Variants in VKORC1L1 observed in about 807,000 individuals in gnomAD.
The protein encoded by VKORC1L1 is vitamin K epoxide reductase complex subunit 1L1.
A neutral mutation model predicts 18.9 loss-of-function variants in VKORC1L1; 2 were observed. The ratio of observed to expected loss-of-function variants is 0.11; its 90% CI spans 0.04 to 0.33. The LOEUF (loss-of-function observed/expected upper bound fraction) is 0.33, where lower values mean the gene tolerates loss of function less well. VKORC1L1 is among the 10% of genes least tolerant of loss of function. The pLI, the probability that VKORC1L1 is intolerant of heterozygous loss-of-function variation, is 1.00. For synonymous variants in VKORC1L1, 96 were observed against 100.0 expected (o/e 0.96, Z 0.24); for missense variants, 123 against 224.1 (o/e 0.55, Z 2.88).
intron 1 of VKORC1L1, among the ~76,000 whole-genome samples, chr7:65,946,423 A>C (rs1224937382): frequency 6.6e-6 from 1 of 151,990 alleles, no homozygotes; most frequent in Non-Finnish European, 1.5e-5. Flanking sequence ...TGGGCTTCAG[A>C]CCAGAAGCGT....
At chr7:65,893,605 G>A (rs888552928) in intron 1 of VKORC1L1, among the ~76,000 whole-genome samples, 1 of 151,942 alleles carries the variant, frequency 6.6e-6, no homozygotes, top group Non-Finnish European at 1.5e-5. Context: ...AATATAATAG[G>A]TATGTGCCAC....
chr7:65,899,567 G>A (rs560941292), intron 1 of VKORC1L1, among the ~76,000 whole-genome samples: 4 of 152,256 alleles, frequency 2.6e-5, no homozygotes, highest in Non-Finnish European at 5.9e-5. Context: ...GCTTATGGGA[G>A]GACTGAGTAT....
intron 1 of VKORC1L1, among the ~76,000 whole-genome samples, chr7:65,945,338 G>A (rs1004391551): frequency 3.2e-4 from 48 of 152,020 alleles, no homozygotes; most frequent in African/African-American, 1.1e-3. Context: ...AGGGCCGGGC[G>A]CAGTGGCTCA....
intron 1 of VKORC1L1, among the ~76,000 whole-genome samples, chr7:65,936,436 C>T (rs920122251): frequency 6.6e-6 from 1 of 152,092 alleles, no homozygotes; most frequent in African/African-American, 2.4e-5. Context: ...AATGATTTTG[C>T]TTTGTTTTAA....
chr7:65,947,063 C>G (rs117332224), intron 1 of VKORC1L1, among the ~76,000 whole-genome samples: 1,740 of 152,020 alleles, frequency 0.011, 44 homozygotes, highest in East Asian at 0.087. Flanking sequence ...ACTTGAACCT[C>G]GGAGGTCAAG....
Position 65,909,690 on chromosome 7 carries a change from T to TTGTGTGTGTGTGTG in VKORC1L1, c.194+36160_194+36173dup, listed in dbSNP as rs56074368. ...AAGCTTCTAACTTTTGTTTTAGCCT[T>TTGTGTGTGTGTGTG]TGTGTGTGTGTGTGTGTGTGTGTGT... On this transcript the variant is annotated intron_variant, in intron 1 of 2. Coordinates refer to ENST00000360768, the MANE Select transcript of VKORC1L1 (RefSeq NM_173517.6). Among the ~76,000 whole-genome samples the TTGTGTGTGTGTGTG allele has an allele frequency of 1.8e-3, 223 of 123,836 alleles. 4 individuals carry two copies. Among genetic ancestry groups the TTGTGTGTGTGTGTG allele is most frequent in the African/African-American group, 2.6e-3 (83 of 31,742 alleles). 81.2% of individuals were successfully genotyped at this position (123,836 alleles called of 152,430 possible).
intron 1 of VKORC1L1, among the ~76,000 whole-genome samples, chr7:65,946,820 A>C (rs1362655294): frequency 2.0e-5 from 3 of 152,074 alleles, no homozygotes; most frequent in African/African-American, 7.2e-5. Context: ...ATATAATGGA[A>C]ATTATTTTAT....
At position 65,917,690 on chromosome 7, in the gene VKORC1L1, A is replaced by G. The variant is rs184864937; in HGVS notation, c.195-30981A>G. Among the ~76,000 whole-genome samples the G allele has an allele frequency of 2.2e-4, 34 of 152,328 alleles. No homozygotes were observed. The East Asian group carries it at 3.3e-3, about 15-fold the overall frequency. On this transcript the variant is annotated intron_variant, in intron 1 of 2. Coordinates refer to ENST00000360768, the MANE Select transcript of VKORC1L1 (RefSeq NM_173517.6). ...ACTTGTACTTGCATTTTTATTTGCT[A>G]TACAATTATCTACCCCTGTATCCAT... is the stretch of plus-strand genomic sequence containing the variant.
upstream of VKORC1L1, among the ~76,000 whole-genome samples, chr7:65,873,043 C>G (rs1378992060): frequency 1.4e-5 from 2 of 145,938 alleles, no homozygotes. Flanking sequence ...TCGCGCGCGA[C>G]CGGCCGCGCG....
chr7:65,951,583 A>AATATAT (rs1554302351), intron 2 of VKORC1L1, among the ~76,000 whole-genome samples: 1 of 150,380 alleles, frequency 6.6e-6, no homozygotes, highest in Non-Finnish European at 1.5e-5. Flanking sequence ...GGAAAAAAAA[A>AATATAT]ATATATATAT....
At chr7:65,879,650 C>CT (rs34885505) in intron 1 of VKORC1L1, among the ~76,000 whole-genome samples, 97,055 of 151,462 alleles carry the variant, frequency 0.64, 31,660 homozygotes, top group East Asian at 0.78. Context: ...ACTACTCTTT[C>CT]GTCTTCCTTT....
At chr7:65,932,881 C>T (rs1789881430) in intron 1 of VKORC1L1, among the ~76,000 whole-genome samples, 1 of 152,002 alleles carries the variant, frequency 6.6e-6, no homozygotes, top group Non-Finnish European at 1.5e-5. Context: ...AGTTCAAGAC[C>T]AGCCTGGCCA....
At chr7:65,926,414 A>G (rs950684515) in intron 1 of VKORC1L1, among the ~76,000 whole-genome samples, 4 of 152,136 alleles carry the variant, frequency 2.6e-5, no homozygotes, top group Non-Finnish European at 5.9e-5. Flanking sequence ...TCAGCCTCCC[A>G]AAGTGCTGGG....
At chr7:65,885,571 A>G (rs1402623207) in intron 1 of VKORC1L1, among the ~76,000 whole-genome samples, 1 of 151,760 alleles carries the variant, frequency 6.6e-6, no homozygotes, top group Non-Finnish European at 1.5e-5. Context: ...TTTAGTTTGT[A>G]TGGAATTTCC....
At chr7:65,921,064 G>A (rs189916998) in intron 1 of VKORC1L1, among the ~76,000 whole-genome samples, 2 of 140,652 alleles carry the variant, frequency 1.4e-5, no homozygotes, top group Admixed American at 7.2e-5. Flanking sequence ...TTTTACTTTG[G>A]GGGGGGTTTA....
At chr7:65,916,027 C>G (rs1358853101) in intron 1 of VKORC1L1, among the ~76,000 whole-genome samples, 1 of 151,210 alleles carries the variant, frequency 6.6e-6, no homozygotes, top group African/African-American at 2.4e-5. Flanking sequence ...GGGAGAATCG[C>G]TTGAACCCAG....
intron 1 of VKORC1L1, among the ~76,000 whole-genome samples, chr7:65,924,976 T>C (rs1789736926): frequency 6.6e-6 from 1 of 152,194 alleles, no homozygotes; most frequent in Non-Finnish European, 1.5e-5. Flanking sequence ...CCCTCCTGGT[T>C]GGTCCTTTGC....
rs2116320436 is a variant in VKORC1L1, at chr7:65,876,121, T to C, written c.194+2556T>C. On this transcript the variant is annotated intron_variant, in intron 1 of 2. Transcript: ENST00000360768. ...CGAAATTAGTAGGCTACAATAGAAA[T>C]GCTGATTTTTCAATTCTACCATGTA... Among the ~76,000 whole-genome samples the C allele has an allele frequency of 3.3e-5, 5 of 152,254 alleles. 1 individual carries two copies. In the Middle Eastern group the frequency reaches 0.017, roughly 518 times the overall value.
intron 1 of VKORC1L1, among the ~76,000 whole-genome samples, chr7:65,883,744 C>T (rs1181200784): frequency 3.9e-5 from 6 of 152,034 alleles, no homozygotes; most frequent in South Asian, 2.1e-4. Context: ...GTAATCTGCC[C>T]GCCTCGGCCT....
Sources: allele counts gnomAD v4.1 joint callset (sites outside exome capture counted in the v4.1 genomes callset), GRCh38; gene constraint gnomAD v4.1.1; transcripts MANE v1.5; gene names NCBI Gene and HGNC (gene_info 2026-07-23, HGNC 2026-07-21).